Variants in EPB41L2 observed in about 807,000 individuals in gnomAD.
The protein encoded by EPB41L2 is erythrocyte membrane protein band 4.1 like 2.
EPB41L2 carries 43 observed loss-of-function variants against 113.0 expected under a neutral mutation model. The observed-to-expected ratio is 0.38, with a 90% CI of 0.30 to 0.49. The LOEUF is 0.49. Ranked by LOEUF, EPB41L2 falls within the 20% of genes least tolerant of loss-of-function variation. EPB41L2 has a pLI of 0.95. For synonymous variants in EPB41L2, 442 were observed against 436.7 expected, an observed-to-expected ratio of 1.01 and a Z score of -0.15; for missense variants, 1,147 against 1,223.4, an observed-to-expected ratio of 0.94 and a Z score of 0.93.
At chr6:130,979,729 AAC>A (rs1248628324) in intron 1 of EPB41L2, among the ~76,000 whole-genome samples, 1 of 152,144 alleles carries the variant, frequency 6.6e-6, no homozygotes, top group Non-Finnish European at 1.5e-5. Context: ...GAGACTTCCA[AAC>A]AAAGTAAGAA....
chr6:130,906,348 A>AC (rs1797718563), intron 5 of EPB41L2, among the ~76,000 whole-genome samples: 2 of 54,546 alleles, frequency 3.7e-5, no homozygotes, highest in South Asian at 1.7e-3. Context: ...AAAATGGTAT[A>AC]CATTTTGGTA....
intron 1 of EPB41L2, among the ~76,000 whole-genome samples, chr6:130,985,059 AACCCTC>A (rs1218775047): frequency 1.3e-5 from 2 of 152,196 alleles, no homozygotes; most frequent in African/African-American, 4.8e-5. Context: ...ATCCCCAGTG[AACCCTC>A]ACCTTCAAGC....
At chr6:130,871,424 C>T (rs980374459) in intron 14 of EPB41L2, among the ~76,000 whole-genome samples, 1 of 152,156 alleles carries the variant, frequency 6.6e-6, no homozygotes, top group Non-Finnish European at 1.5e-5. Flanking sequence ...GGCACCACAC[C>T]ACTGAGCCCT....
intron 1 of EPB41L2, among the ~76,000 whole-genome samples, chr6:130,991,442 C>A (rs1303707274): frequency 1.3e-5 from 2 of 152,160 alleles, no homozygotes; most frequent in Non-Finnish European, 2.9e-5. Context: ...AGGCTTTCAA[C>A]ATGTCTAATT....
intron 1 of EPB41L2, among the ~76,000 whole-genome samples, chr6:130,959,840 AG>A (rs1319332532): frequency 2.6e-5 from 4 of 152,222 alleles, no homozygotes; most frequent in Admixed American, 2.0e-4. Flanking sequence ...TACTTGTCTA[AG>A]CTAACCAAGA....
At position 131,023,752 on chromosome 6, in the gene EPB41L2, TATAGATATATAGATATATAG is replaced by T. The variant is rs1562754041; in HGVS notation, c.-15+39383_-15+39402del. ...GTGTATATATATCTATATATCTATA[TATAGATATATAGATATATAG>T]ATATATAGATATATAGATATATCCC... On this transcript the variant is annotated intron_variant, in intron 1 of 19. Transcript: ENST00000337057. Among the ~76,000 whole-genome samples, 36 of 77,736 alleles carry T rather than the reference TATAGATATATAGATATATAG, an allele frequency of 4.6e-4. No individual in the cohort carries two copies. In the South Asian group the frequency reaches 7.9e-3, roughly 17 times the overall value. The allele number at this position is 77,736 out of a possible 152,430, so 51.0% of individuals were successfully genotyped here.
intron 1 of EPB41L2, among the ~76,000 whole-genome samples, chr6:130,991,768 T>C (rs1200499686): frequency 2.6e-5 from 4 of 152,244 alleles, no homozygotes; most frequent in African/African-American, 9.6e-5. Context: ...AAGATGCATA[T>C]GTGCTTAACA....
At chr6:130,863,603 G>C (rs1367801676) in intron 18 of EPB41L2, 35 bp downstream of exon 18, 2 of 1,426,750 alleles carry the variant, frequency 1.4e-6, no homozygotes, top group Non-Finnish European at 2.0e-6. Flanking sequence ...AAAACAAACA[G>C]GGCCATTTCC....
At chr6:130,907,415 CAAGAA>C (rs369604918) in intron 5 of EPB41L2, among the ~76,000 whole-genome samples, 154 of 152,036 alleles carry the variant, frequency 1.0e-3, no homozygotes, top group African/African-American at 3.6e-3. Flanking sequence ...GATGAAACAC[CAAGAA>C]AATAAATGCA....
At chr6:130,914,433 G>A (rs1050939603) in intron 4 of EPB41L2, among the ~76,000 whole-genome samples, 1 of 152,136 alleles carries the variant, frequency 6.6e-6, no homozygotes, top group African/African-American at 2.4e-5. Context: ...GTATTCACAG[G>A]CGAGATGACA....
chr6:130,926,568 G>A (rs1804811314), intron 4 of EPB41L2, 37 bp downstream of exon 4: 2 of 1,422,552 alleles, frequency 1.4e-6, no homozygotes, highest in South Asian at 2.5e-5. Flanking sequence ...AATACAATAT[G>A]TTCTAAAAAG....
chr6:131,043,907 A>G, intron 1 of EPB41L2, among the ~76,000 whole-genome samples: 1 of 152,222 alleles, frequency 6.6e-6, no homozygotes, highest in East Asian at 1.9e-4. Flanking sequence ...GACAGATAAA[A>G]GAAAGCCAGC....
chr6:130,992,071 T>G (rs566758230), intron 1 of EPB41L2, among the ~76,000 whole-genome samples: 1 of 152,294 alleles, frequency 6.6e-6, no homozygotes, highest in East Asian at 1.9e-4. Context: ...ATTACACACA[T>G]GTTGAGTAAA....
At chr6:130,856,375 G>A (rs1043733686) in intron 19 of EPB41L2, among the ~76,000 whole-genome samples, 3 of 152,128 alleles carry the variant, frequency 2.0e-5, no homozygotes, top group African/African-American at 7.2e-5. Context: ...ATGAAAGAAA[G>A]AATGAAAGCA....
chr6:130,840,520 T>TGG lies in EPB41L2; in HGVS notation c.*82_*83dup, dbSNP rs986018156. The TGG allele has an allele frequency of 2.0e-5, 3 of 151,242 alleles. No homozygotes were observed. Among genetic ancestry groups the TGG allele is most frequent in the African/African-American group, 7.3e-5 (3 of 41,084 alleles). 9.4% of individuals were successfully genotyped at this position (151,242 alleles called of 1,614,324 possible). On this transcript the variant is annotated 3_prime_UTR_variant, in exon 20 of 20. Coordinates refer to ENST00000337057, the MANE Select transcript of EPB41L2 (RefSeq NM_001431.4). ...TTGTAGCATAAATTCGCTGGAATAG[T>TGG]GGTGTGGCATTAAGACTTGGAACGG...
In EPB41L2 at chr6:130,859,938, G is replaced by A. The variant is rs568003355; in HGVS notation, c.2911-1695C>T. On this transcript the variant is annotated intron_variant, in intron 18 of 19. Coordinates refer to ENST00000337057, the MANE Select transcript of EPB41L2 (RefSeq NM_001431.4). Reference sequence around the variant, plus strand: ...CAGTAGCAGAAGTGTTTGTCAAGGCGGGAGAGTGAATGGCTGGAGGGCTAG... The same window carrying A: ...CAGTAGCAGAAGTGTTTGTCAAGGCAGGAGAGTGAATGGCTGGAGGGCTAG... Among the ~76,000 whole-genome samples the A allele has an allele frequency of 3.0e-4, 45 of 152,292 alleles. 1 individual carries two copies. The highest frequency in any genetic ancestry group is 9.6e-4 in the African/African-American group (40 of 41,556).
intron 4 of EPB41L2, among the ~76,000 whole-genome samples, chr6:130,924,080 T>C (rs1161748199): frequency 6.6e-6 from 1 of 152,190 alleles, no homozygotes; most frequent in Non-Finnish European, 1.5e-5. Context: ...ATAGTGCTTG[T>C]CTTTTAGTGA....
chr6:131,048,437 A>T (rs1795914402), intron 1 of EPB41L2, among the ~76,000 whole-genome samples: 1 of 152,226 alleles, frequency 6.6e-6, no homozygotes, highest in African/African-American at 2.4e-5. Flanking sequence ...TCAGATATTT[A>T]TTCCAAAAAC....
At chr6:131,033,907 T>C (rs956897833) in intron 1 of EPB41L2, among the ~76,000 whole-genome samples, 1 of 152,258 alleles carries the variant, frequency 6.6e-6, no homozygotes, top group Non-Finnish European at 1.5e-5. Flanking sequence ...GCTTCTGAGC[T>C]GCACATTTAC....
Sources: allele counts gnomAD v4.1 joint callset (sites outside exome capture counted in the v4.1 genomes callset), GRCh38; gene constraint gnomAD v4.1.1; transcripts MANE v1.5; gene names NCBI Gene and HGNC (gene_info 2026-07-23, HGNC 2026-07-21).